FCAMR: variants seen among roughly 807,000 people sequenced by gnomAD.
FCAMR encodes the protein Fc alpha and mu receptor.
In FCAMR, 51 loss-of-function variants were observed where a neutral mutation model predicts 52.2. The ratio of observed to expected loss-of-function variants is 0.98; its 90% confidence interval spans 0.78 to 1.23. FCAMR has a LOEUF of 1.23. Ranked by LOEUF, FCAMR falls within the 50% of genes most tolerant of loss-of-function variation. The pLI is 0.00. For missense variants in FCAMR, 719 were observed against 712.6 expected (o/e 1.01, Z -0.10); for synonymous variants, 282 against 262.0 (o/e 1.08, Z -0.74).
In FCAMR at chr1:206,965,821, C is replaced by G; in HGVS notation, c.207G>C (p.Pro69=). ...GGAGAGAGCCCTCCCACAGCCATCT[C>G]GGATGGGGTCTTTTTTGTGGAAGGG... The part of the protein sequence containing the change: ...SFALPQKRPH[P]RWLWEGSLPS... Residue 69 remains proline (P), a synonymous_variant, in exon 4 of 8, where the codon CCG becomes CCC. Coordinates refer to ENST00000324852, the MANE Select transcript of FCAMR (RefSeq NM_001170631.2). 1 of 1,603,794 alleles carries G rather than the reference C, an allele frequency of 6.2e-7. No individual in the cohort carries two copies. The highest frequency in any genetic ancestry group is 8.5e-7 in the Non-Finnish European group (1 of 1,175,460).
intron 3 of FCAMR, 59 bp from the exon 4 acceptor site, chr1:206,965,917 C>T (rs1342525973): frequency 6.2e-7 from 1 of 1,607,522 alleles, no homozygotes. Context: ...ACAAAGGCAC[C>T]TACAGAGGAA....
At chr1:206,962,618 A>T in intron 4 of FCAMR, 67 bp from the exon 5 acceptor site, 1 of 1,303,698 alleles carries the variant, frequency 7.7e-7, no homozygotes, top group South Asian at 1.6e-5. Context: ...GGGACTCACG[A>T]ACTCTGAACT....
In FCAMR at chr1:206,965,827, G is replaced by A; in HGVS notation, c.201C>T (p.Pro67=). The A allele has an allele frequency of 6.2e-7, 1 of 1,606,788 alleles. No individual in the cohort carries two copies. The highest frequency in any genetic ancestry group is 8.5e-7 in the Non-Finnish European group (1 of 1,176,748). The change falls in exon 4 of 8, where the codon CCC becomes CCT. Residue 67 remains proline (P), a synonymous_variant. Coordinates refer to ENST00000324852, the MANE Select transcript of FCAMR (RefSeq NM_001170631.2). ...AGCCCTCCCACAGCCATCTCGGATG[G>A]GGTCTTTTTTGTGGAAGGGCGAAAG... ...GSSFALPQKR[P]HPRWLWEGSL...
In FCAMR at chr1:206,960,959, G is replaced by A; in HGVS notation, c.917C>T (p.Ala306Val). Residue 306 changes from alanine to valine, a missense_variant, in exon 6 of 8, where the codon GCT becomes GTT. Coordinates refer to ENST00000324852, the MANE Select transcript of FCAMR (RefSeq NM_001170631.2). ...TGAAGGTGGACTCTCTGGAATCGGA[G>A]CAGGTGCTTTGACAGAACCCTCTGC... ...SWAEGSVKAP[A>V]PIPESPPSKS... 1.3e-6 allele frequency: 2 copies of A among 1,552,034 alleles called. No homozygotes were observed. Among genetic ancestry groups the A allele is most frequent in the Non-Finnish European group, 1.7e-6 (2 of 1,147,052 alleles).
intron 2 of FCAMR, 25 bp from the exon 3 acceptor site, chr1:206,967,137 A>G: frequency 6.2e-7 from 1 of 1,611,830 alleles, no homozygotes. Context: ...CTAAATGAAA[A>G]GAGGCCTGAG....
chr1:206,958,765 T>G, intron 7 of FCAMR, 89 bp from the exon 8 acceptor site: 14 of 1,559,892 alleles, frequency 9.0e-6, no homozygotes, highest in Non-Finnish European at 1.2e-5. Flanking sequence ...CCACTGCAAG[T>G]TTTCAAGAAC....
intron 3 of FCAMR, among the ~76,000 whole-genome samples, chr1:206,966,400 T>A (rs1680709024): frequency 6.6e-6 from 1 of 152,298 alleles, no homozygotes; most frequent in Non-Finnish European, 1.5e-5. Context: ...TTTGTTTTTG[T>A]TTTGAGATGG....
chr1:206,958,458 A>C lies in FCAMR; in HGVS notation c.*58T>G. 6.6e-7 allele frequency: 1 copy of C among 1,514,572 alleles called. No homozygotes were observed. Among genetic ancestry groups the C allele is most frequent in the South Asian group, 1.3e-5 (1 of 77,260 alleles). The allele number at this position is 1,514,572 out of a possible 1,614,324, so 93.8% of individuals were successfully genotyped here. A position where few individuals can be genotyped will look rare whatever the true frequency, so the allele number is the denominator to read the frequency against. On this transcript the variant is annotated 3_prime_UTR_variant, in exon 8 of 8. Coordinates refer to ENST00000324852, the MANE Select transcript of FCAMR (RefSeq NM_001170631.2). ...ATGATGGAAAGAGGCTGGGGTCCTG[A>C]AGGCCTTTGATCTTGGTCCTTCTCC...
rs1680344631 is a variant in FCAMR, at chr1:206,958,406, G to T, written c.*110C>A. The T allele has an allele frequency of 7.9e-7, 1 of 1,263,714 alleles. No individual in the cohort carries two copies. Among genetic ancestry groups the T allele is most frequent in the East Asian group, 2.6e-5 (1 of 39,130 alleles). The allele number at this position is 1,263,714 out of a possible 1,614,324, so 78.3% of individuals were successfully genotyped here. A position where few individuals can be genotyped will look rare whatever the true frequency, so the allele number is the denominator to read the frequency against. On this transcript the variant is annotated 3_prime_UTR_variant, in exon 8 of 8. Coordinates refer to ENST00000324852, the MANE Select transcript of FCAMR (RefSeq NM_001170631.2). ...CATGGGTGGAGCACCGGCTGCATCA[G>T]CTTCTCTTCCCACAGGTGGAGGAAG...
chr1:206,958,902 A>C, intron 7 of FCAMR: 3 of 667,406 alleles, frequency 4.5e-6, no homozygotes, highest in East Asian at 6.0e-5. Flanking sequence ...AGAAAATCTC[A>C]CCCTTTCTTC....
chr1:206,963,019 C>T (rs1193691214), intron 4 of FCAMR, among the ~76,000 whole-genome samples: 1 of 150,578 alleles, frequency 6.6e-6, no homozygotes, highest in African/African-American at 2.5e-5. Context: ...CAATTATAAA[C>T]AAGGACCCTT....
intron 1 of FCAMR, 66 bp from the exon 2 acceptor site, chr1:206,967,717 G>C (rs1455618776): frequency 8.3e-6 from 12 of 1,453,668 alleles, no homozygotes; most frequent in African/African-American, 1.4e-5. Flanking sequence ...GTATGCCTCG[G>C]TTAGTAACAA....
chr1:206,963,542 C>A (rs964516719), intron 4 of FCAMR, among the ~76,000 whole-genome samples: 4 of 152,282 alleles, frequency 2.6e-5, no homozygotes, highest in African/African-American at 7.2e-5. Context: ...ACTTATACAT[C>A]CAGTCCAGTC....
At chr1:206,968,362 A>T (rs1572669378) in intron 1 of FCAMR, among the ~76,000 whole-genome samples, 1 of 152,280 alleles carries the variant, frequency 6.6e-6, no homozygotes, top group East Asian at 1.9e-4. Flanking sequence ...AAAGACAGAG[A>T]TTGTACATTA....
intron 3 of FCAMR, among the ~76,000 whole-genome samples, chr1:206,966,485 A>G (rs1348213794): frequency 2.0e-5 from 3 of 152,190 alleles, no homozygotes; most frequent in East Asian, 1.9e-4. Context: ...TCCAGGGTTC[A>G]AGCGATTCTT....
At chr1:206,966,991 A>G (rs1680736788) in intron 3 of FCAMR, 61 bp downstream of exon 3, 1 of 1,572,188 alleles carries the variant, frequency 6.4e-7, no homozygotes, top group African/African-American at 1.4e-5. Context: ...CCTTTAGGGC[A>G]GCCTGGAAGA....
intron 5 of FCAMR, 147 bp downstream of exon 5, chr1:206,962,066 A>G: frequency 1.3e-6 from 1 of 794,670 alleles, no homozygotes; most frequent in Non-Finnish European, 1.9e-6. Context: ...ATGAAAGCCT[A>G]CTTCTTAAAG....
chr1:206,959,886 G>C (rs1452005413), intron 6 of FCAMR, 89 bp from the exon 7 acceptor site: 1 of 1,112,468 alleles, frequency 9.0e-7, no homozygotes, highest in Non-Finnish European at 1.4e-6. Flanking sequence ...TTACTTTACA[G>C]ATTGGGGAGC....
chr1:206,969,983 G>A, intron 1 of FCAMR, 104 bp downstream of exon 1: 4 of 1,435,002 alleles, frequency 2.8e-6, no homozygotes, highest in Non-Finnish European at 3.9e-6. Context: ...GAGCCCACCT[G>A]CTCTGGGAAG....
Sources: allele counts gnomAD v4.1 joint callset (sites outside exome capture counted in the v4.1 genomes callset), GRCh38; gene constraint gnomAD v4.1.1; transcripts MANE v1.5; gene names NCBI Gene and HGNC (gene_info 2026-07-23, HGNC 2026-07-21).